Variants in TMTC2 observed in about 807,000 individuals in gnomAD.
TMTC2 encodes the protein transmembrane O-mannosyltransferase targeting cadherins 2.
TMTC2 carries 43 observed loss-of-function variants against 82.4 expected under a neutral mutation model. That is an observed-to-expected ratio of 0.52 (90% CI 0.41 to 0.67). TMTC2 has a LOEUF of 0.67. Ranked by LOEUF, TMTC2 falls within the 30% of genes least tolerant of loss-of-function variation. The pLI is 0.00. For missense variants in TMTC2, 919 were observed against 1,012.4 expected, an observed-to-expected ratio of 0.91 and a Z score of 1.25; for synonymous variants, 408 against 381.9, an observed-to-expected ratio of 1.07 and a Z score of -0.80.
intron 1 of TMTC2, among the ~76,000 whole-genome samples, chr12:82,844,118 C>A (rs1006792816): frequency 1.3e-5 from 2 of 152,212 alleles, no homozygotes; most frequent in Non-Finnish European, 2.9e-5. Flanking sequence ...TCCCCTTTTA[C>A]TTTCCTGGTC....
At chr12:82,881,935 A>G (rs1872842328) in intron 2 of TMTC2, among the ~76,000 whole-genome samples, 1 of 151,218 alleles carries the variant, frequency 6.6e-6, no homozygotes, top group Admixed American at 6.6e-5. Flanking sequence ...GAAAACTCAG[A>G]TTATATTTTT....
intron 1 of TMTC2, among the ~76,000 whole-genome samples, chr12:82,761,400 C>G (rs533268633): frequency 2.2e-4 from 34 of 152,284 alleles, no homozygotes; most frequent in African/African-American, 7.9e-4. Flanking sequence ...GGGATGAGTA[C>G]AGTGTCAGTT....
chr12:82,853,336 C>T (rs1871083676), intron 1 of TMTC2, among the ~76,000 whole-genome samples: 1 of 152,188 alleles, frequency 6.6e-6, no homozygotes, highest in African/African-American at 2.4e-5. Context: ...CTCCTGACCA[C>T]AGGTGATCCA....
chr12:82,988,687 C>G (rs907499124), intron 8 of TMTC2, among the ~76,000 whole-genome samples: 1 of 151,656 alleles, frequency 6.6e-6, no homozygotes, highest in Non-Finnish European at 1.5e-5. Flanking sequence ...GAGTTTACCC[C>G]CTTTCCTCCA....
chr12:82,974,262 GA>G (rs541913942), intron 7 of TMTC2, among the ~76,000 whole-genome samples: 2 of 151,568 alleles, frequency 1.3e-5, no homozygotes, highest in East Asian at 1.9e-4. Flanking sequence ...ATAAATAAAT[GA>G]AAAAAAAGTA....
chr12:82,928,619 G>T (rs1293401998), intron 3 of TMTC2, among the ~76,000 whole-genome samples: 3 of 152,190 alleles, frequency 2.0e-5, no homozygotes. Flanking sequence ...ATGTTAGGCA[G>T]AGGGGAGAAA....
chr12:83,035,500 G>C lies in TMTC2; in HGVS notation c.2152+4621G>C, dbSNP rs545360368. The stretch of plus-strand genomic sequence containing the variant: ...CTAGTACTCCGATTTCTTGTTGTTT[G>C]TAACATATACCCAATTTCTCACAGC... On this transcript the variant is annotated intron_variant, in intron 9 of 11. Transcript: ENST00000321196. 2.6e-5 allele frequency among the ~76,000 whole-genome samples: 4 copies of C among 152,240 alleles called. No individual in the cohort carries two copies. In the East Asian group the frequency reaches 7.7e-4, roughly 29 times the overall value.
chr12:82,799,457 TA>T (rs1330174575), intron 1 of TMTC2, among the ~76,000 whole-genome samples: 2 of 152,270 alleles, frequency 1.3e-5, no homozygotes, highest in East Asian at 3.9e-4. Flanking sequence ...GATTTTCAGA[TA>T]GGGGGTACGA....
At chr12:82,833,763 A>G (rs1869878821) in intron 1 of TMTC2, among the ~76,000 whole-genome samples, 1 of 152,188 alleles carries the variant, frequency 6.6e-6, no homozygotes, top group Non-Finnish European at 1.5e-5. Flanking sequence ...GCTGTTATCC[A>G]TTACATGAAT....
Position 82,726,437 on chromosome 12 carries a change from G to A in TMTC2, c.83+38768G>A, listed in dbSNP as rs942018200. On this transcript the variant is annotated intron_variant, in intron 1 of 11. Coordinates refer to ENST00000321196, the MANE Select transcript of TMTC2 (RefSeq NM_152588.3). ...TCTTTGTGTTTTTCTTATGTGCCAG[G>A]TGTTGGGCTAGACACTTTACATATA... Among the ~76,000 whole-genome samples the A allele has an allele frequency of 5.3e-5, 8 of 152,302 alleles. No individual in the cohort carries two copies. The South Asian group carries it at 1.0e-3, about 20-fold the overall frequency.
chr12:82,984,869 G>C (rs148504832), intron 7 of TMTC2, among the ~76,000 whole-genome samples: 143 of 152,100 alleles, frequency 9.4e-4, no homozygotes, highest in Middle Eastern at 3.4e-3. Flanking sequence ...TCTGCTGTTA[G>C]TGAAATGCTG....
chr12:83,021,439 A>G (rs1320064566), intron 8 of TMTC2, among the ~76,000 whole-genome samples: 1 of 152,104 alleles, frequency 6.6e-6, no homozygotes, highest in African/African-American at 2.4e-5. Flanking sequence ...AAATTTGTGA[A>G]GTCAAACTAG....
intron 1 of TMTC2, among the ~76,000 whole-genome samples, chr12:82,722,635 G>T (rs1213838348): frequency 6.6e-6 from 1 of 150,710 alleles, no homozygotes; most frequent in South Asian, 2.1e-4. Flanking sequence ...CCACCTACTC[G>T]GGAGGCTGAG....
At chr12:82,915,216 G>A (rs1874935023) in intron 3 of TMTC2, among the ~76,000 whole-genome samples, 1 of 151,954 alleles carries the variant, frequency 6.6e-6, no homozygotes, top group Non-Finnish European at 1.5e-5. Context: ...GGTAGATGTG[G>A]GTATTGATTA....
intron 8 of TMTC2, among the ~76,000 whole-genome samples, chr12:82,995,766 T>A (rs1160044934): frequency 6.6e-6 from 1 of 152,204 alleles, no homozygotes; most frequent in African/African-American, 2.4e-5. Context: ...TCCCTCCTGT[T>A]TTCTGAAAGC....
chr12:82,985,639 G>C (rs1879121611), intron 7 of TMTC2, among the ~76,000 whole-genome samples: 1 of 152,066 alleles, frequency 6.6e-6, no homozygotes, highest in East Asian at 1.9e-4. Context: ...GATGATAAAG[G>C]ACATATGTCT....
chr12:83,021,801 G>A (rs1880942472), intron 8 of TMTC2: 1 of 151,992 alleles, frequency 6.6e-6, no homozygotes. Context: ...CCAAAATCTA[G>A]GGTGTTTTCT....
chr12:83,084,473 C>T (rs1592736061), intron 11 of TMTC2, among the ~76,000 whole-genome samples: 2 of 152,024 alleles, frequency 1.3e-5, no homozygotes, highest in South Asian at 4.1e-4. Context: ...ACATCTGTCT[C>T]ACTCAACAGG....
At chr12:82,939,967 T>G (rs967926147) in intron 4 of TMTC2, among the ~76,000 whole-genome samples, 1 of 151,720 alleles carries the variant, frequency 6.6e-6, no homozygotes, top group Admixed American at 6.6e-5. Context: ...ATTGTTATAC[T>G]CTTGAATTTT....
Sources: allele counts gnomAD v4.1 joint callset (sites outside exome capture counted in the v4.1 genomes callset), GRCh38; gene constraint gnomAD v4.1.1; transcripts MANE v1.5; gene names NCBI Gene and HGNC (gene_info 2026-07-23, HGNC 2026-07-21).